The following GUCY2C variants were observed in gnomAD, a reference collection of about 807,000 sequenced individuals.
GUCY2C encodes guanylate cyclase 2C.
GUCY2C carries 118 observed loss-of-function variants against 131.1 expected under a neutral mutation model. The ratio of observed to expected loss-of-function variants is 0.90; its 90% confidence interval spans 0.78 to 1.05. The LOEUF (loss-of-function observed/expected upper bound fraction) is 1.05. GUCY2C is among the 50% of genes least tolerant of loss of function. The probability of loss-of-function intolerance (pLI) is 0.00; values close to 1 mark genes in which losing one functional copy is unlikely to be tolerated. For missense variants in GUCY2C, 1,161 were observed against 1,304.4 expected (o/e 0.89, Z 1.69); for synonymous variants, 452 against 457.8 (o/e 0.99, Z 0.16).
In GUCY2C at chr12:14,616,691, A is replaced by G. The variant is rs769398068; in HGVS notation, c.2912T>C (p.Ile971Thr). Residue 971 changes from isoleucine (I) to threonine (T), a missense_variant, in exon 25 of 27, where the codon ATC becomes ACC. Coordinates refer to ENST00000261170, the MANE Select transcript of GUCY2C (RefSeq NM_004963.4). Reference sequence around the variant, plus strand: ...GAACTGGCACTCAGTTCTCTTCAGGATGGCTATGGTGGAGCCACTCACGTG... The same window carrying G: ...GAACTGGCACTCAGTTCTCTTCAGGGTGGCTATGGTGGAGCCACTCACGTG... ...RIHVSGSTIA[I>T]LKRTECQFLY... is the part of the protein sequence containing the mutation. The G allele has an allele frequency of 2.5e-5, 40 of 1,609,984 alleles. No homozygotes were observed. The Admixed American group carries it at 2.7e-4, about 11-fold the overall frequency.
intron 15 of GUCY2C, among the ~76,000 whole-genome samples, chr12:14,650,497 C>T (rs962244043): frequency 1.3e-5 from 2 of 152,202 alleles, no homozygotes; most frequent in Non-Finnish European, 2.9e-5. Context: ...CCGCCTGCCT[C>T]GGCCTCCTAA....
intron 19 of GUCY2C, among the ~76,000 whole-genome samples, chr12:14,636,617 A>G (rs1386923350): frequency 6.6e-6 from 1 of 152,208 alleles, no homozygotes; most frequent in Admixed American, 6.5e-5. Context: ...CCTATTCAAC[A>G]TAGTACTGAA....
At chr12:14,688,291 G>C (rs1948512690) in intron 1 of GUCY2C, among the ~76,000 whole-genome samples, 1 of 151,642 alleles carries the variant, frequency 6.6e-6, no homozygotes, top group African/African-American at 2.4e-5. Context: ...GTTTTATTGA[G>C]GTATAATTTA....
chr12:14,617,625 C>T lies in GUCY2C; in HGVS notation c.2876-898G>A, dbSNP rs570554254. On this transcript the variant is annotated intron_variant, in intron 24 of 26. Coordinates refer to ENST00000261170, the MANE Select transcript of GUCY2C (RefSeq NM_004963.4). The stretch of plus-strand genomic sequence containing the variant: ...TTTGACAAAAGAAGTGGTGAGGGCA[C>T]GCCCATTCACAAGTCCATTGATGTG... Among the ~76,000 whole-genome samples the T allele has an allele frequency of 6.6e-5, 10 of 152,272 alleles. No individual in the cohort carries two copies. In the East Asian group the frequency reaches 1.4e-3, roughly 21 times the overall value.
intron 13 of GUCY2C, 39 bp downstream of exon 13, chr12:14,652,913 A>G: frequency 7.3e-7 from 1 of 1,364,466 alleles, no homozygotes. Flanking sequence ...GGCCCAGAGC[A>G]TACCCCAGTG....
chr12:14,637,903 G>A (rs1302164282), intron 19 of GUCY2C, among the ~76,000 whole-genome samples: 3 of 152,150 alleles, frequency 2.0e-5, no homozygotes, highest in African/African-American at 7.2e-5. Flanking sequence ...AAAGGCTTCT[G>A]CACAGCAAGG....
chr12:14,678,524 C>G (rs1948285245), intron 6 of GUCY2C, among the ~76,000 whole-genome samples: 1 of 152,184 alleles, frequency 6.6e-6, no homozygotes, highest in African/African-American at 2.4e-5. Flanking sequence ...AGTAACTCTG[C>G]CCTCTTTCCT....
chr12:14,648,598 C>T (rs1254393718), intron 15 of GUCY2C, among the ~76,000 whole-genome samples: 3 of 151,926 alleles, frequency 2.0e-5, no homozygotes, highest in African/African-American at 4.8e-5. Flanking sequence ...TGTTTTTTTT[C>T]CCCTTAAAAT....
chr12:14,668,864 A>G (rs1233195378), intron 10 of GUCY2C, among the ~76,000 whole-genome samples: 1 of 152,046 alleles, frequency 6.6e-6, no homozygotes, highest in Non-Finnish European at 1.5e-5. Flanking sequence ...AAGTCATGTT[A>G]GGGCTATTCA....
At chr12:14,637,336 T>A (rs1243450153) in intron 19 of GUCY2C, among the ~76,000 whole-genome samples, 3 of 152,006 alleles carry the variant, frequency 2.0e-5, no homozygotes, top group African/African-American at 7.2e-5. Context: ...TTGGAAGAGT[T>A]AATATCACTA....
Position 14,671,200 on chromosome 12 carries a change from T to C in GUCY2C, c.1171-1367A>G, listed in dbSNP as rs191747661. Among the ~76,000 whole-genome samples the C allele has an allele frequency of 7.8e-4, 119 of 152,116 alleles. 2 individuals are homozygous for C. The highest frequency in any genetic ancestry group is 7.7e-3 in the Admixed American group (117 of 15,276). Reference sequence around the variant, plus strand: ...CCTCAAAATGTTCTGGACAGCAAAGTTATATTTTCTTTCTGCAACCTCTGC... The same window carrying C: ...CCTCAAAATGTTCTGGACAGCAAAGCTATATTTTCTTTCTGCAACCTCTGC... On this transcript the variant is annotated intron_variant, in intron 9 of 26. Coordinates refer to ENST00000261170, the MANE Select transcript of GUCY2C (RefSeq NM_004963.4).
rs188945939 is a variant in GUCY2C, at chr12:14,624,452, A to T, written c.2408+1305T>A. Reference sequence around the variant, plus strand: ...GTGAAACTCCATCTCAAAAATAAATAAATTAATTAATTAAATAAAATAAAA... The same window carrying T: ...GTGAAACTCCATCTCAAAAATAAATTAATTAATTAATTAAATAAAATAAAA... On this transcript the variant is annotated intron_variant, in intron 21 of 26. Transcript: ENST00000261170. Among the ~76,000 whole-genome samples, 245 of 152,032 alleles carry T rather than the reference A, an allele frequency of 1.6e-3. 1 individual carries two copies. The highest frequency in any genetic ancestry group is 4.8e-3 in the African/African-American group (198 of 41,532).
chr12:14,636,705 T>C (rs1947276740), intron 19 of GUCY2C, among the ~76,000 whole-genome samples: 1 of 152,178 alleles, frequency 6.6e-6, no homozygotes, highest in African/African-American at 2.4e-5. Context: ...TGTCCCTCTT[T>C]GCAGATGATA....
intron 2 of GUCY2C, among the ~76,000 whole-genome samples, chr12:14,686,890 T>C (rs1299806472): frequency 6.6e-6 from 1 of 152,134 alleles, no homozygotes; most frequent in Admixed American, 6.5e-5. Flanking sequence ...GATGGGAGTG[T>C]GGCCTGCCTG....
At position 14,683,168 on chromosome 12, in the gene GUCY2C, G is replaced by A. The variant is rs1422416711; in HGVS notation, c.485C>T (p.Ser162Phe). Residue 162 changes from serine (S) to phenylalanine (F), a missense_variant, in exon 4 of 27, where the codon TCT becomes TTT. Physicochemically the swap from Ser to Phe is radical, Grantham distance 155 (BLOSUM62 -2). Transcript: ENST00000261170. ...DYKETLTRLM[S>F]PARKLMYFLV... ...GAAGTACATCAACTTTCTAGCTGGA[G>A]ACATCAGCCTGGTTAAGGTTTCTTT... 1.2e-6 allele frequency: 2 copies of A among 1,613,100 alleles called. No individual in the cohort carries two copies. The highest frequency in any genetic ancestry group is 8.5e-7 in the Non-Finnish European group (1 of 1,179,138).
chr12:14,679,960 A>C (rs1225193035), intron 5 of GUCY2C, among the ~76,000 whole-genome samples: 1 of 152,010 alleles, frequency 6.6e-6, no homozygotes, highest in African/African-American at 2.4e-5. Context: ...TTTTAAAAAA[A>C]TCATCTCGTC....
chr12:14,624,468 TAAAATA>T (rs1211772033), intron 21 of GUCY2C, among the ~76,000 whole-genome samples: 2 of 151,724 alleles, frequency 1.3e-5, no homozygotes, highest in African/African-American at 4.8e-5. Flanking sequence ...ATTAATTAAA[TAAAATA>T]AAAATAAAAA....
intron 10 of GUCY2C, among the ~76,000 whole-genome samples, chr12:14,665,411 T>C (rs559094548): frequency 6.6e-6 from 1 of 152,080 alleles, no homozygotes; most frequent in East Asian, 1.9e-4. Context: ...GGGGAAGGGA[T>C]AGGTGAGTAA....
intron 20 of GUCY2C, among the ~76,000 whole-genome samples, chr12:14,627,318 C>G (rs566855768): frequency 6.6e-6 from 1 of 152,102 alleles, no homozygotes; most frequent in South Asian, 2.1e-4. Flanking sequence ...GTGCCCTACC[C>G]GAGACCTATG....
Sources: allele counts gnomAD v4.1 joint callset (sites outside exome capture counted in the v4.1 genomes callset), GRCh38; gene constraint gnomAD v4.1.1; transcripts MANE v1.5; gene names NCBI Gene and HGNC (gene_info 2026-07-23, HGNC 2026-07-21).